The following PRIM2 variants were observed in gnomAD, a reference collection of about 807,000 sequenced individuals.
PRIM2 encodes DNA primase subunit 2.
PRIM2 carries 39 observed loss-of-function variants against 67.3 expected under a neutral mutation model. That is an observed-to-expected ratio of 0.58 (90% CI 0.45 to 0.76). The LOEUF (loss-of-function observed/expected upper bound fraction) is 0.76, where lower values mean the gene tolerates loss of function less well. Ranked by LOEUF, PRIM2 falls within the 30% of genes least tolerant of loss-of-function variation. The probability of loss-of-function intolerance (pLI) is 0.00; values close to 1 mark genes in which losing one functional copy is unlikely to be tolerated. For missense variants in PRIM2, 398 were observed against 598.7 expected, an observed-to-expected ratio of 0.66 and a Z score of 3.50; for synonymous variants, 143 against 198.7, an observed-to-expected ratio of 0.72 and a Z score of 2.36.
At chr6:57,336,842 A>C (rs963709292) in intron 5 of PRIM2, among the ~76,000 whole-genome samples, 5 of 152,172 alleles carry the variant, frequency 3.3e-5, no homozygotes, top group East Asian at 3.9e-4. Context: ...ATGACAGGAT[A>C]AAATTCACAC....
At position 57,626,748 on chromosome 6, in the gene PRIM2, C is replaced by G. The variant is rs1272075929; in HGVS notation, c.1231-5385C>G. Reference sequence around the variant, plus strand: ...CAAGCGAACCTCCCGCCTCAGCCCCCCAAGTAGCTGGGACTACAGGCATGT... The same window carrying G: ...CAAGCGAACCTCCCGCCTCAGCCCCGCAAGTAGCTGGGACTACAGGCATGT... On this transcript the variant is annotated intron_variant, in intron 12 of 13. Transcript: ENST00000615550. 1.3e-4 allele frequency among the ~76,000 whole-genome samples: 20 copies of G among 152,056 alleles called. No individual in the cohort carries two copies. The South Asian group carries it at 4.2e-3, about 32-fold the overall frequency.
intron 10 of PRIM2, among the ~76,000 whole-genome samples, chr6:57,590,062 A>C (rs1776259670): frequency 6.6e-6 from 1 of 152,194 alleles, no homozygotes; most frequent in African/African-American, 2.4e-5. Flanking sequence ...CTAGCTGAGT[A>C]GATGCCTTTC....
intron 13 of PRIM2, among the ~76,000 whole-genome samples, chr6:57,645,321 TCA>T (rs1189530732): frequency 0.089 from 11,743 of 132,448 alleles, 514 homozygotes; most frequent in Middle Eastern, 0.14. Context: ...ACAATGTCAT[TCA>T]CACACACACA....
At chr6:57,553,244 A>G (rs1775438904) in intron 10 of PRIM2, among the ~76,000 whole-genome samples, 1 of 152,142 alleles carries the variant, frequency 6.6e-6, no homozygotes, top group Non-Finnish European at 1.5e-5. Flanking sequence ...TGTGCTTTCT[A>G]TGTTGATGTT....
chr6:57,422,585 T>C (rs1309042265), intron 7 of PRIM2, among the ~76,000 whole-genome samples: 1 of 151,820 alleles, frequency 6.6e-6, no homozygotes, highest in Non-Finnish European at 1.5e-5. Flanking sequence ...ATCAATGAAA[T>C]TTAGAATTTT....
intron 7 of PRIM2, among the ~76,000 whole-genome samples, chr6:57,457,130 C>T (rs1309609842): frequency 2.5e-4 from 30 of 121,894 alleles, no homozygotes; most frequent in African/African-American, 9.3e-4. Context: ...AATGTTCCTG[C>T]CTGATCGTTC....
chr6:57,534,084 TTTC>T (rs1401721935), intron 9 of PRIM2, among the ~76,000 whole-genome samples: 1 of 152,154 alleles, frequency 6.6e-6, no homozygotes, highest in Non-Finnish European at 1.5e-5. Context: ...CTCCAAATGT[TTTC>T]TTTAGTTTTT....
At chr6:57,241,684 A>G in the PRIM2 span, among the ~76,000 whole-genome samples, 2 of 68,420 alleles carry the variant, frequency 2.9e-5, no homozygotes, top group Non-Finnish European at 5.3e-5. Flanking sequence ...ATGCAGAACT[A>G]TGTATTTTTT....
rs529898914 is a variant in PRIM2 at position 57,405,912 on chromosome 6, T to C, written c.693+23744T>C. Among the ~76,000 whole-genome samples, 209 of 152,356 alleles carry C rather than the reference T, an allele frequency of 1.4e-3. 1 individual carries two copies. The highest frequency in any genetic ancestry group is 4.7e-3 in the African/African-American group (195 of 41,578). ...CCTGCCTTCATCATCAGTACCACCATCATCATCATCACCCAGCAAGCCAAT... is the reference window on the plus strand; with the variant it reads ...CCTGCCTTCATCATCAGTACCACCACCATCATCATCACCCAGCAAGCCAAT... On this transcript the variant is annotated intron_variant, in intron 7 of 13. Coordinates refer to ENST00000615550, the MANE Select transcript of PRIM2 (RefSeq NM_000947.5).
intron 7 of PRIM2, among the ~76,000 whole-genome samples, chr6:57,494,249 C>T (rs1773956565): frequency 6.6e-6 from 1 of 152,100 alleles, no homozygotes. Flanking sequence ...GGGTCCATTC[C>T]ATCACGAAAG....
At chr6:57,594,727 A>G (rs1282690158) in intron 10 of PRIM2, among the ~76,000 whole-genome samples, 14 of 152,342 alleles carry the variant, frequency 9.2e-5, no homozygotes, top group Middle Eastern at 6.8e-3. Flanking sequence ...TCTAAAGGAC[A>G]ACATAAAAAT....
At chr6:57,592,526 G>A (rs1776298784) in intron 10 of PRIM2, among the ~76,000 whole-genome samples, 4 of 152,198 alleles carry the variant, frequency 2.6e-5, no homozygotes, top group Non-Finnish European at 2.9e-5. Flanking sequence ...CAGGCGTGAT[G>A]GCTCACGCCT....
chr6:57,581,748 A>G (rs1279725868), intron 10 of PRIM2, among the ~76,000 whole-genome samples: 5 of 152,218 alleles, frequency 3.3e-5, no homozygotes, highest in Non-Finnish European at 5.9e-5. Flanking sequence ...GTTAACAGAG[A>G]AGTATGTCAT....
the PRIM2 span, among the ~76,000 whole-genome samples, chr6:57,270,535 G>A: frequency 4.6e-5 from 7 of 152,098 alleles, no homozygotes; most frequent in East Asian, 3.9e-4. Flanking sequence ...GGGCTGAGAC[G>A]ATGGGGTTTT....
intron 5 of PRIM2, among the ~76,000 whole-genome samples, chr6:57,327,917 C>T (rs1226214517): frequency 6.6e-6 from 1 of 152,090 alleles, no homozygotes; most frequent in Non-Finnish European, 1.5e-5. Context: ...AACAGATCCA[C>T]CTCAGATCAT....
intron 5 of PRIM2, among the ~76,000 whole-genome samples, chr6:57,338,723 C>G (rs1329224896): frequency 7.3e-6 from 1 of 137,580 alleles, no homozygotes; most frequent in African/African-American, 2.8e-5. Context: ...TAAGAGCTAT[C>G]TATGACAAAC....
At chr6:57,516,831 A>G (rs1340457558) in intron 8 of PRIM2, among the ~76,000 whole-genome samples, 4 of 152,224 alleles carry the variant, frequency 2.6e-5, no homozygotes, top group South Asian at 2.1e-4. Flanking sequence ...CTGCCTTTGT[A>G]GGACTGAATA....
chr6:57,338,067 A>G (rs974777257), intron 5 of PRIM2, among the ~76,000 whole-genome samples: 1 of 151,910 alleles, frequency 6.6e-6, no homozygotes, highest in African/African-American at 2.4e-5. Flanking sequence ...CCATCAGAGA[A>G]TACTACAAAC....
At chr6:57,311,247 A>AGAGGCGCTCCTCACCTCCCGGATGGGGCG (rs1767382236), upstream of PRIM2, among the ~76,000 whole-genome samples, 1 of 16,984 alleles carries the variant, frequency 5.9e-5, no homozygotes, top group African/African-American at 2.2e-4. Flanking sequence ...CGGACGGGGC[A>AGAGGCGCTCCTCACCTCCCGGATGGGGCG]TCCGGGCAGA....
Sources: gnomAD v4.1 joint callset for allele counts (sites outside exome capture counted in the v4.1 genomes callset) on GRCh38, gnomAD v4.1.1 for gene constraint, MANE v1.5 for transcripts, NCBI Gene and HGNC (gene_info 2026-07-23, HGNC 2026-07-21) for gene names.